Variants in LDLRAD3 observed in about 807,000 individuals in gnomAD.
LDLRAD3 encodes low density lipoprotein receptor class A domain containing 3, also known as low-density lipoprotein receptor class A domain-containing protein 3.
In LDLRAD3, 20 loss-of-function variants were observed where a neutral mutation model predicts 29.4. That is an observed-to-expected ratio of 0.68 (90% CI 0.48 to 0.99). The LOEUF is 0.99. Among genes scored for constraint, LDLRAD3 ranks in the 50% least tolerant of loss-of-function variants. The pLI is 0.00. For synonymous variants in LDLRAD3, 157 were observed against 192.7 expected (o/e 0.81, Z 1.53); for missense variants, 420 against 454.3 (o/e 0.92, Z 0.69).
chr11:36,165,283 T>C (rs1272958239), intron 4 of LDLRAD3, among the ~76,000 whole-genome samples: 1 of 152,242 alleles, frequency 6.6e-6, no homozygotes, highest in Non-Finnish European at 1.5e-5. Flanking sequence ...CACACATCTA[T>C]TGATGAACAT....
At chr11:36,048,628 C>A (rs576336120) in intron 2 of LDLRAD3, among the ~76,000 whole-genome samples, 1 of 152,186 alleles carries the variant, frequency 6.6e-6, no homozygotes, top group Non-Finnish European at 1.5e-5. Flanking sequence ...GTTCTTAGAA[C>A]GTTTGTTTCA....
chr11:36,087,237 A>T (rs1319019984), intron 3 of LDLRAD3, among the ~76,000 whole-genome samples: 1 of 152,246 alleles, frequency 6.6e-6, no homozygotes, highest in Non-Finnish European at 1.5e-5. Context: ...CTGATCATAC[A>T]AATCAACTAT....
chr11:36,116,484 A>G (rs559591967), intron 4 of LDLRAD3, among the ~76,000 whole-genome samples: 9 of 152,116 alleles, frequency 5.9e-5, no homozygotes, highest in Admixed American at 3.9e-4. Flanking sequence ...AGTGCCCACT[A>G]TAATAACTCC....
chr11:35,977,344 C>T (rs1030894211), intron 1 of LDLRAD3, among the ~76,000 whole-genome samples: 4 of 152,144 alleles, frequency 2.6e-5, no homozygotes, highest in Admixed American at 6.5e-5. Flanking sequence ...TTGGCCAAAA[C>T]GCAGCCACAT....
At chr11:36,187,619 C>A (rs1022611409) in intron 4 of LDLRAD3, among the ~76,000 whole-genome samples, 1 of 152,130 alleles carries the variant, frequency 6.6e-6, no homozygotes, top group East Asian at 1.9e-4. Flanking sequence ...AATGGACTCC[C>A]CCAAAAGAGT....
chr11:35,973,221 G>T (rs1486915289), intron 1 of LDLRAD3, among the ~76,000 whole-genome samples: 1 of 151,934 alleles, frequency 6.6e-6, no homozygotes, highest in South Asian at 2.1e-4. Flanking sequence ...ATATTTCAGA[G>T]ATCTCTCTTT....
chr11:36,166,369 TG>T (rs1414690677), intron 4 of LDLRAD3, among the ~76,000 whole-genome samples: 1 of 152,054 alleles, frequency 6.6e-6, no homozygotes, highest in Non-Finnish European at 1.5e-5. Context: ...CAGTGAGACA[TG>T]GAAGGGGGAA....
chr11:36,051,309 T>C (rs1377419967), intron 2 of LDLRAD3, among the ~76,000 whole-genome samples: 2 of 152,092 alleles, frequency 1.3e-5, no homozygotes, highest in East Asian at 1.9e-4. Flanking sequence ...GGGAAGGAAG[T>C]AGCCATGTGC....
At chr11:36,187,095 T>A (rs1015935428) in intron 4 of LDLRAD3, among the ~76,000 whole-genome samples, 4 of 152,158 alleles carry the variant, frequency 2.6e-5, no homozygotes, top group Non-Finnish European at 5.9e-5. Flanking sequence ...TAGCCTCTTC[T>A]CCTATATCCA....
chr11:36,208,803 T>C (rs569444897), intron 4 of LDLRAD3, among the ~76,000 whole-genome samples: 3 of 152,342 alleles, frequency 2.0e-5, no homozygotes, highest in East Asian at 3.9e-4. Flanking sequence ...CACAGTAATA[T>C]TTGCTGCAGG....
intron 2 of LDLRAD3, among the ~76,000 whole-genome samples, chr11:36,047,549 AG>A (rs1436314957): frequency 6.6e-6 from 1 of 152,192 alleles, no homozygotes; most frequent in African/African-American, 2.4e-5. Context: ...TCTGATTGTT[AG>A]CATATGATAT....
chr11:36,190,911 T>C (rs1173342831), intron 4 of LDLRAD3, among the ~76,000 whole-genome samples: 1 of 152,208 alleles, frequency 6.6e-6, no homozygotes, highest in Non-Finnish European at 1.5e-5. Flanking sequence ...CTCAATAACA[T>C]TGGACATGAG....
At chr11:35,988,016 ATTTT>A (rs1290118776) in intron 1 of LDLRAD3, among the ~76,000 whole-genome samples, 1 of 152,088 alleles carries the variant, frequency 6.6e-6, no homozygotes, top group East Asian at 1.9e-4. Flanking sequence ...CTCTAATGAC[ATTTT>A]TAAAAATATG....
At chr11:36,186,881 T>C (rs1303297190) in intron 4 of LDLRAD3, among the ~76,000 whole-genome samples, 1 of 152,216 alleles carries the variant, frequency 6.6e-6, no homozygotes, top group Non-Finnish European at 1.5e-5. Flanking sequence ...TGCATTTTGC[T>C]GTATGGAAAT....
chr11:36,224,446 A>G (rs1855471691), intron 4 of LDLRAD3, among the ~76,000 whole-genome samples: 1 of 152,196 alleles, frequency 6.6e-6, no homozygotes, highest in Non-Finnish European at 1.5e-5. Flanking sequence ...ATACACATAC[A>G]CAAGCCTCCA....
intron 4 of LDLRAD3, among the ~76,000 whole-genome samples, chr11:36,216,331 A>G (rs1466124810): frequency 6.6e-6 from 1 of 152,346 alleles, no homozygotes; most frequent in Non-Finnish European, 1.5e-5. Context: ...TGTTCTGTCC[A>G]TCTCAGCCTA....
chr11:35,946,756 T>TA (rs1851062438), intron 1 of LDLRAD3, among the ~76,000 whole-genome samples: 1 of 152,138 alleles, frequency 6.6e-6, no homozygotes, highest in South Asian at 2.1e-4. Context: ...GTGAGTGTAC[T>TA]CCCAGGAGTG....
At chr11:35,979,937 T>C (rs1851520259) in intron 1 of LDLRAD3, among the ~76,000 whole-genome samples, 2 of 152,304 alleles carry the variant, frequency 1.3e-5, no homozygotes, top group Admixed American at 1.3e-4. Flanking sequence ...TCATCAAGAA[T>C]GTTAGAGAAG....
chr11:36,025,692 A>G (rs995171875), intron 1 of LDLRAD3, among the ~76,000 whole-genome samples: 5 of 147,356 alleles, frequency 3.4e-5, no homozygotes, highest in African/African-American at 1.0e-4. Flanking sequence ...CCCGGCCCAG[A>G]TTTTTTTTTA....
Sources: allele counts gnomAD v4.1 joint callset (sites outside exome capture counted in the v4.1 genomes callset), GRCh38; gene constraint gnomAD v4.1.1; transcripts MANE v1.5; gene names NCBI Gene and HGNC (gene_info 2026-07-23, HGNC 2026-07-21).